Variants in CEP164 observed in about 807,000 individuals in gnomAD.
CEP164 encodes centrosomal protein 164, also known as centrosomal protein of 164 kDa.
Under a neutral mutation model 182.7 loss-of-function variants are expected in CEP164, and 162 were observed. The observed-to-expected ratio is 0.89, with a 90% CI of 0.78 to 1.01. The LOEUF is 1.01. Among genes scored for constraint, CEP164 ranks in the 50% least tolerant of loss-of-function variants. The pLI, the probability that CEP164 is intolerant of heterozygous loss-of-function variation, is 0.00. For synonymous variants in CEP164, 661 were observed against 690.0 expected, an observed-to-expected ratio of 0.96 and a Z score of 0.66; for missense variants, 1,735 against 1,790.4, an observed-to-expected ratio of 0.97 and a Z score of 0.56.
At chr11:117,360,845 G>C (rs1375668872) in intron 5 of CEP164, among the ~76,000 whole-genome samples, 2 of 151,930 alleles carry the variant, frequency 1.3e-5, no homozygotes, top group Admixed American at 1.3e-4. Context: ...GCTTTTTCTT[G>C]ACTCATCAGT....
At chr11:117,373,926 A>G (rs1049314153) in intron 10 of CEP164, 95 bp downstream of exon 10, 18 of 1,055,890 alleles carry the variant, frequency 1.7e-5, no homozygotes, top group Non-Finnish European at 2.4e-5. Context: ...CGCAGCTTAT[A>G]AGTGGGAGAA....
At chr11:117,379,048 A>G (rs1019530403) in intron 11 of CEP164, among the ~76,000 whole-genome samples, 2 of 152,128 alleles carry the variant, frequency 1.3e-5, no homozygotes, top group Non-Finnish European at 2.9e-5. Flanking sequence ...TTTGATGAGC[A>G]TGGTGTGGTC....
intron 3 of CEP164, among the ~76,000 whole-genome samples, chr11:117,340,408 A>G (rs540888019): frequency 1.6e-4 from 25 of 152,310 alleles, no homozygotes; most frequent in Admixed American, 1.3e-3. Flanking sequence ...TAGGCATACA[A>G]AGTTTGCTTA....
At chr11:117,369,176 T>G (rs578197309) in intron 8 of CEP164, among the ~76,000 whole-genome samples, 3 of 152,238 alleles carry the variant, frequency 2.0e-5, no homozygotes, top group Non-Finnish European at 4.4e-5. Flanking sequence ...TGTGTAAGTC[T>G]CATTACATAA....
At chr11:117,400,682 C>G (rs898102825) in intron 27 of CEP164, among the ~76,000 whole-genome samples, 2 of 152,020 alleles carry the variant, frequency 1.3e-5, no homozygotes, top group African/African-American at 2.4e-5. Flanking sequence ...TTTGTAGTTC[C>G]CCTTGAAGAG....
At chr11:117,395,913 GGTGCTATTGTTC>G in intron 24 of CEP164, 129 bp from the exon 25 acceptor site, 1 of 1,259,824 alleles carries the variant, frequency 7.9e-7, no homozygotes, top group Non-Finnish European at 1.1e-6. Flanking sequence ...GGGGATCTCT[GGTGCTATTGTTC>G]GTGCCTGAGC....
intron 27 of CEP164, among the ~76,000 whole-genome samples, chr11:117,407,347 C>T (rs138616420): frequency 2.4e-4 from 34 of 144,616 alleles, no homozygotes; most frequent in Middle Eastern, 4.0e-3. Flanking sequence ...TAACCATTTG[C>T]GGCTGATGTG....
intron 1 of CEP164, among the ~76,000 whole-genome samples, chr11:117,331,257 C>T (rs2036162188): frequency 6.6e-6 from 1 of 152,192 alleles, no homozygotes; most frequent in African/African-American, 2.4e-5. Context: ...CTTAGCCTAC[C>T]TTAGCTAGAG....
Position 117,394,577 on chromosome 11 carries a change from C to A in CEP164, c.2760+84C>A. 2 of 1,517,344 alleles carry A rather than the reference C, an allele frequency of 1.3e-6. No homozygotes were observed. The highest frequency in any genetic ancestry group is 1.8e-6 in the Non-Finnish European group (2 of 1,122,102). 94.0% of individuals were successfully genotyped at this position (1,517,344 alleles called of 1,614,324 possible). On this transcript the variant is annotated intron_variant, in intron 21 of 32. Coordinates refer to ENST00000278935, the MANE Select transcript of CEP164 (RefSeq NM_014956.5). The surrounding 1 kb of genome is among the most constrained non-coding windows in gnomAD (Gnocchi z 4.0). ...GCTGGGAGCAGACGCATGGCCCCAG[C>A]AGGATGCAGCCTGACAGCTTCTGGA...
At chr11:117,360,405 C>T (rs1205298955) in intron 5 of CEP164, among the ~76,000 whole-genome samples, 1 of 152,110 alleles carries the variant, frequency 6.6e-6, no homozygotes. Context: ...GGGTCTTGTT[C>T]TGTTGTCCAG....
intron 10 of CEP164, among the ~76,000 whole-genome samples, 174 bp from the exon 11 acceptor site, chr11:117,375,534 A>G (rs567291964): frequency 5.2e-4 from 79 of 152,298 alleles, no homozygotes; most frequent in Non-Finnish European, 1.0e-3. Flanking sequence ...ATATCTTTCC[A>G]TTGAGTCACA....
At chr11:117,410,158 A>C (rs746725887) in intron 30 of CEP164, 193 bp downstream of exon 30, 1 of 707,402 alleles carries the variant, frequency 1.4e-6, no homozygotes, top group Non-Finnish European at 2.5e-6. Flanking sequence ...GGGGAAGGAG[A>C]CATTGCAGGT....
At chr11:117,366,864 C>T (rs970001101) in intron 8 of CEP164, among the ~76,000 whole-genome samples, 3 of 152,076 alleles carry the variant, frequency 2.0e-5, no homozygotes, top group Admixed American at 2.0e-4. Context: ...AACCTCATGG[C>T]TTTTGGGGGG....
At chr11:117,371,570 G>C in intron 9 of CEP164, 104 bp downstream of exon 9, 1 of 1,399,152 alleles carries the variant, frequency 7.1e-7, no homozygotes. Flanking sequence ...TGAGTCAGGA[G>C]CTTCATTTGC....
chr11:117,393,079 G>A lies in CEP164; in HGVS notation c.2569G>A (p.Glu857Lys). 6.2e-7 allele frequency: 1 copy of A among 1,613,774 alleles called. No individual in the cohort carries two copies. ...HERRLDKMKEEHQQVMAKARE... is the reference protein window; with the variant it reads ...HERRLDKMKEKHQQVMAKARE... ...GAGGAGGTTGGACAAGATGAAGGAG[G>A]AGCACCAGCAAGTGATGGCTAAGGC... The change falls in exon 20 of 33, where the codon GAG (glutamate) becomes AAG (lysine). Residue 857 changes from glutamate (E) to lysine (K), a missense_variant. By Grantham distance (56) the Glu-to-Lys change is moderately conservative. Coordinates refer to ENST00000278935, the MANE Select transcript of CEP164 (RefSeq NM_014956.5).
chr11:117,333,212 A>G (rs1487157584), intron 1 of CEP164, among the ~76,000 whole-genome samples: 1 of 151,718 alleles, frequency 6.6e-6, no homozygotes, highest in Admixed American at 6.6e-5. Context: ...CGGTCTCACT[A>G]TGTTGACCCA....
chr11:117,347,253 G>A (rs1358471612), intron 4 of CEP164, among the ~76,000 whole-genome samples: 1 of 152,204 alleles, frequency 6.6e-6, no homozygotes, highest in Non-Finnish European at 1.5e-5. Flanking sequence ...CTCTCTTCCA[G>A]TGAGCTCTTT....
intron 8 of CEP164, among the ~76,000 whole-genome samples, 174 bp downstream of exon 8, chr11:117,363,680 C>T (rs2041271978): frequency 6.6e-6 from 1 of 151,214 alleles, no homozygotes; most frequent in Non-Finnish European, 1.5e-5. Flanking sequence ...GAATGGATTC[C>T]TGTCCCTTCC....
At chr11:117,380,750 G>T (rs753948091) in intron 12 of CEP164, 45 bp downstream of exon 12, 1 of 1,536,276 alleles carries the variant, frequency 6.5e-7, no homozygotes, top group East Asian at 2.4e-5. Flanking sequence ...CCTTCAGGGT[G>T]GTGTGGACTT....
Sources: allele counts gnomAD v4.1 joint callset (sites outside exome capture counted in the v4.1 genomes callset), GRCh38; gene constraint gnomAD v4.1.1; non-coding constraint Gnocchi (gnomAD v3.1); transcripts MANE v1.5; gene names NCBI Gene and HGNC (gene_info 2026-07-23, HGNC 2026-07-21).